The following MACROD2 variants were observed in gnomAD, a reference collection of about 807,000 sequenced individuals.
MACROD2 encodes the protein ADP-ribose glycohydrolase MACROD2.
In MACROD2, 36 loss-of-function variants were observed where a neutral mutation model predicts 70.4. The ratio of observed to expected loss-of-function variants is 0.51; its 90% CI spans 0.39 to 0.68. The LOEUF (loss-of-function observed/expected upper bound fraction) is 0.68, where lower values mean the gene tolerates loss of function less well. Among genes scored for constraint, MACROD2 ranks in the 30% least tolerant of loss-of-function variants. MACROD2 has a pLI of 0.00. For missense variants in MACROD2, 496 were observed against 538.4 expected (o/e 0.92, Z 0.78); for synonymous variants, 172 against 178.8 (o/e 0.96, Z 0.30).
At chr20:15,586,939 T>C (rs985273629) in intron 8 of MACROD2, among the ~76,000 whole-genome samples, 1 of 152,316 alleles carries the variant, frequency 6.6e-6, no homozygotes, top group Admixed American at 6.5e-5. Context: ...AAAGAAAGAC[T>C]TGAACCAATG....
chr20:15,618,085 C>T (rs1347327348), intron 8 of MACROD2, among the ~76,000 whole-genome samples: 2 of 134,982 alleles, frequency 1.5e-5, no homozygotes, highest in Non-Finnish European at 1.6e-5. Flanking sequence ...TCTAGAAGGC[C>T]ATCATTAGTC....
At chr20:15,890,780 A>G (rs566241658) in intron 10 of MACROD2, among the ~76,000 whole-genome samples, 1 of 152,224 alleles carries the variant, frequency 6.6e-6, no homozygotes, top group South Asian at 2.1e-4. Context: ...ATGGGAAATG[A>G]GAAATGAGTC....
chr20:14,463,142 C>G (rs537997823), intron 3 of MACROD2, among the ~76,000 whole-genome samples: 2 of 152,016 alleles, frequency 1.3e-5, no homozygotes, highest in East Asian at 1.9e-4. Context: ...GCCATTTTCA[C>G]GCTATTGATT....
intron 5 of MACROD2, among the ~76,000 whole-genome samples, chr20:15,139,497 T>C (rs2123301858): frequency 6.6e-6 from 1 of 152,258 alleles, no homozygotes; most frequent in South Asian, 2.1e-4. Flanking sequence ...CGTAACTGCT[T>C]TATTGCCGTC....
intron 5 of MACROD2, among the ~76,000 whole-genome samples, chr20:14,855,348 T>C (rs1248609545): frequency 1.3e-5 from 2 of 152,136 alleles, no homozygotes; most frequent in Non-Finnish European, 2.9e-5. Flanking sequence ...ATTAAAAAAA[T>C]ATGACCATAT....
At chr20:15,426,003 G>A (rs193227353) in intron 6 of MACROD2, among the ~76,000 whole-genome samples, 4 of 152,282 alleles carry the variant, frequency 2.6e-5, no homozygotes, top group Admixed American at 2.6e-4. Context: ...AAGAAATGAA[G>A]ACGGACTTTC....
intron 5 of MACROD2, among the ~76,000 whole-genome samples, chr20:15,034,518 G>A (rs2075298531): frequency 6.6e-6 from 1 of 152,138 alleles, no homozygotes; most frequent in African/African-American, 2.4e-5. Context: ...AAAATTGGGG[G>A]TGAGGTGAGG....
intron 13 of MACROD2, among the ~76,000 whole-genome samples, chr20:15,982,932 T>C (rs1163535909): frequency 6.6e-6 from 1 of 152,216 alleles, no homozygotes; most frequent in Non-Finnish European, 1.5e-5. Context: ...CTAGTTGTTT[T>C]GAGAGATAGG....
chr20:14,932,799 C>A (rs1325102887), intron 5 of MACROD2, among the ~76,000 whole-genome samples: 1 of 152,090 alleles, frequency 6.6e-6, no homozygotes, highest in Non-Finnish European at 1.5e-5. Flanking sequence ...AACTCCTGAC[C>A]TCCTGATCTG....
intron 5 of MACROD2, among the ~76,000 whole-genome samples, chr20:15,054,513 G>A (rs1039617705): frequency 1.3e-5 from 2 of 152,038 alleles, no homozygotes; most frequent in African/African-American, 4.8e-5. Flanking sequence ...TTAAATTAAG[G>A]TAGGTACATT....
At chr20:15,415,948 C>T (rs1049618195) in intron 6 of MACROD2, among the ~76,000 whole-genome samples, 1 of 152,198 alleles carries the variant, frequency 6.6e-6, no homozygotes, top group Non-Finnish European at 1.5e-5. Flanking sequence ...ATGGTTTGCT[C>T]ATCTCCCAGT....
At position 14,949,231 on chromosome 20, in the gene MACROD2, A is replaced by G. The variant is rs574247467; in HGVS notation, c.418+264272A>G. On this transcript the variant is annotated intron_variant, in intron 5 of 17. Transcript: ENST00000684519. ...GTAGAACAAAAATGCAAGTGACCTA[A>G]AAAGGGAATTGACTTTTAAAAATAA... 5.6e-4 allele frequency among the ~76,000 whole-genome samples: 85 copies of G among 152,290 alleles called. No homozygotes were observed. In the South Asian group the frequency reaches 6.8e-3, roughly 12 times the overall value.
intron 5 of MACROD2, among the ~76,000 whole-genome samples, chr20:15,162,323 G>C (rs1432843075): frequency 6.6e-6 from 1 of 152,026 alleles, no homozygotes; most frequent in Non-Finnish European, 1.5e-5. Context: ...ATAGCCATAA[G>C]AGAAAATGGA....
intron 5 of MACROD2, among the ~76,000 whole-genome samples, chr20:14,694,592 T>C (rs1281269954): frequency 1.3e-5 from 2 of 152,176 alleles, no homozygotes; most frequent in Non-Finnish European, 2.9e-5. Flanking sequence ...TAGTAGTAAT[T>C]TGTAGTAATA....
At chr20:15,379,005 G>A (rs768369573) in intron 6 of MACROD2, among the ~76,000 whole-genome samples, 8 of 152,068 alleles carry the variant, frequency 5.3e-5, no homozygotes, top group Non-Finnish European at 1.0e-4. Flanking sequence ...GGAAGTCAAA[G>A]GAAAGCATTA....
chr20:14,089,439 C>T (rs1231192638), intron 3 of MACROD2, among the ~76,000 whole-genome samples: 1 of 152,208 alleles, frequency 6.6e-6, no homozygotes, highest in Admixed American at 6.5e-5. Flanking sequence ...TTGTCACCTC[C>T]TATTAGACTT....
chr20:15,162,468 C>T (rs1353537753), intron 5 of MACROD2, among the ~76,000 whole-genome samples: 1 of 152,034 alleles, frequency 6.6e-6, no homozygotes, highest in African/African-American at 2.4e-5. Context: ...AGAGAGATGT[C>T]ATAAAACCTG....
chr20:15,051,635 G>A (rs1172049735), intron 5 of MACROD2, among the ~76,000 whole-genome samples: 2 of 152,022 alleles, frequency 1.3e-5, no homozygotes, highest in Non-Finnish European at 2.9e-5. Flanking sequence ...ACTGGTTGTA[G>A]ATGTTAATCA....
At chr20:15,400,310 C>T (rs766585757) in intron 6 of MACROD2, among the ~76,000 whole-genome samples, 15 of 152,182 alleles carry the variant, frequency 9.9e-5, no homozygotes, top group Admixed American at 5.9e-4. Context: ...AACCCCAGGA[C>T]ACCCTCTTCC....
Sources: gnomAD v4.1 joint callset for allele counts (sites outside exome capture counted in the v4.1 genomes callset) on GRCh38, gnomAD v4.1.1 for gene constraint, MANE v1.5 for transcripts, NCBI Gene and HGNC (gene_info 2026-07-23, HGNC 2026-07-21) for gene names.